LRP11: variants seen among roughly 807,000 people sequenced by gnomAD.
LRP11 encodes low-density lipoprotein receptor-related protein 11.
A neutral mutation model predicts 43.1 loss-of-function variants in LRP11; 25 were observed. That is an observed-to-expected ratio of 0.58 (90% CI 0.42 to 0.81). LRP11 has a LOEUF of 0.81. Ranked by LOEUF, LRP11 falls within the 30% of genes least tolerant of loss-of-function variation. The probability of loss-of-function intolerance (pLI) is 0.00; values close to 1 mark genes in which losing one functional copy is unlikely to be tolerated. For synonymous variants in LRP11, 316 were observed against 299.4 expected (o/e 1.06, Z -0.57); for missense variants, 623 against 665.1 (o/e 0.94, Z 0.70).
At position 149,826,275 on chromosome 6, in the gene LRP11, G is replaced by A; in HGVS notation, c.1337C>T (p.Ala446Val). 1.2e-6 allele frequency: 2 copies of A among 1,612,694 alleles called. No individual in the cohort carries two copies. Among genetic ancestry groups the A allele is most frequent in the South Asian group, 2.2e-5 (2 of 91,040 alleles). The change falls in exon 6 of 7, where the codon GCC becomes GTC. Residue 446 changes from alanine (A) to valine (V), a missense_variant. Transcript: ENST00000239367. ...KGDGGGGEHP[A>V]PETGAVLPLA... ...AGGTGGACATTTACCTGTTTCTGGG[G>A]CTGGGTGTTCCCCTCCTCCTCCATC...
At chr6:149,858,616 G>A (rs538405826) in intron 1 of LRP11, among the ~76,000 whole-genome samples, 3 of 152,028 alleles carry the variant, frequency 2.0e-5, no homozygotes, top group Non-Finnish European at 4.4e-5. Context: ...ACTATACTTC[G>A]AGACAACCCT....
chr6:149,826,450 G>C, intron 5 of LRP11, 91 bp from the exon 6 acceptor site: 1 of 828,524 alleles, frequency 1.2e-6, no homozygotes, highest in Non-Finnish European at 2.0e-6. Context: ...TTTTTTTTAA[G>C]ATGGACTTAG....
intron 5 of LRP11, among the ~76,000 whole-genome samples, chr6:149,832,902 G>A (rs1320526944): frequency 2.6e-5 from 4 of 152,006 alleles, no homozygotes; most frequent in South Asian, 2.1e-4. Context: ...TCCACCTCCC[G>A]GGTTCACGCC....
intron 2 of LRP11, among the ~76,000 whole-genome samples, chr6:149,850,032 C>G (rs1189744839): frequency 6.6e-6 from 1 of 151,962 alleles, no homozygotes; most frequent in Admixed American, 6.6e-5. Flanking sequence ...TGGTGGAGAG[C>G]AGGGGAGATG....
intron 5 of LRP11, among the ~76,000 whole-genome samples, chr6:149,835,168 A>G (rs1468958084): frequency 6.6e-6 from 1 of 152,214 alleles, no homozygotes. Context: ...TGATTGAGAC[A>G]AGGTCTCACT....
intron 1 of LRP11, among the ~76,000 whole-genome samples, chr6:149,861,003 T>A (rs534863503): frequency 6.6e-6 from 1 of 152,264 alleles, no homozygotes; most frequent in South Asian, 2.1e-4. Flanking sequence ...AGTCAACAAA[T>A]GTGGGCATGA....
At chr6:149,844,645 T>C (rs1410248314) in intron 2 of LRP11, among the ~76,000 whole-genome samples, 1 of 152,236 alleles carries the variant, frequency 6.6e-6, no homozygotes, top group Non-Finnish European at 1.5e-5. Flanking sequence ...AGTCTGGATA[T>C]TGTCCTCTGC....
At chr6:149,838,946 A>G (rs1000251269) in intron 3 of LRP11, among the ~76,000 whole-genome samples, 3 of 152,134 alleles carry the variant, frequency 2.0e-5, no homozygotes, top group Non-Finnish European at 4.4e-5. Context: ...GGACTAGACA[A>G]TTCTCTCAGG....
At chr6:149,834,505 T>C (rs543028041) in intron 5 of LRP11, among the ~76,000 whole-genome samples, 1 of 152,336 alleles carries the variant, frequency 6.6e-6, no homozygotes, top group South Asian at 2.1e-4. Flanking sequence ...AGTAATGTGG[T>C]AGGAATTCAT....
chr6:149,843,077 G>A lies in LRP11; in HGVS notation c.819C>T (p.Thr273=), dbSNP rs762544860. 1 of 1,614,172 alleles carries A rather than the reference G, an allele frequency of 6.2e-7. No homozygotes were observed. Among genetic ancestry groups the A allele is most frequent in the Non-Finnish European group, 8.5e-7 (1 of 1,180,026 alleles). Reference sequence around the variant, plus strand: ...CCGTCACGGTCAGCTGGAAGGTGTAGGTTCCCTCCTGTAGGTGGGACAGCT... The same window carrying A: ...CCGTCACGGTCAGCTGGAAGGTGTAAGTTCCCTCCTGTAGGTGGGACAGCT... The part of the protein sequence containing the change: ...TLKLSHLQEG[T]YTFQLTVTDT... The change falls in exon 3 of 7, where the codon ACC becomes ACT. Residue 273 remains threonine (T), a synonymous_variant. Transcript: ENST00000239367.
rs1373306086 is a variant in LRP11, at chr6:149,820,691, G to C, written c.1361C>G (p.Pro454Arg). The C allele has an allele frequency of 1.3e-6, 1 of 780,914 alleles. No individual in the cohort carries two copies. The highest frequency in any genetic ancestry group is 1.7e-5 in the African/African-American group (1 of 59,208). The allele number at this position is 780,914 out of a possible 1,614,324, so 48.4% of individuals were successfully genotyped here. ...HPAPETGAVL[P>R]LALGLAITAL... ...AGTGATAGCCAAACCCAGCGCCAGG[G>C]GTAGCACTGCACCTTTGAGAAGGTT... is the stretch of plus-strand genomic sequence containing the variant. Residue 454 changes from proline (P) to arginine (R), a missense_variant, in exon 7 of 7, where the codon CCC (proline) becomes CGC (arginine). Physicochemically the swap from Pro to Arg is moderately radical, Grantham distance 103. Coordinates refer to ENST00000239367, the MANE Select transcript of LRP11 (RefSeq NM_032832.6).
intron 2 of LRP11, 26 bp from the exon 3 acceptor site, chr6:149,843,150 G>C: frequency 6.2e-7 from 1 of 1,613,696 alleles, no homozygotes; most frequent in East Asian, 2.2e-5. Context: ...GACACATCAC[G>C]TCGAGCAGCA....
At chr6:149,835,466 GGTCCCAGCTACTACGCCTATA>G (rs139464509) in intron 5 of LRP11, among the ~76,000 whole-genome samples, 20,930 of 152,100 alleles carry the variant, frequency 0.14, 1,883 homozygotes, top group Non-Finnish European at 0.19. Context: ...CAGGCATGGT[GGTCCCAGCTACTACGCCTATA>G]GTCCCAGCTA....
chr6:149,864,202 C>T lies in LRP11; in HGVS notation c.-182G>A. The T allele has an allele frequency of 8.9e-7, 1 of 1,118,980 alleles. No individual in the cohort carries two copies. The highest frequency in any genetic ancestry group is 1.1e-6 in the Non-Finnish European group (1 of 917,156). 69.3% of individuals were successfully genotyped at this position (1,118,980 alleles called of 1,614,324 possible). On this transcript the variant is annotated 5_prime_UTR_variant, in exon 1 of 7. Transcript: ENST00000239367. ...CCGAGGTCGCGGGCGCCGGCGGGAA[C>T]CGCAGTAGCGGGAGACATAGCCGGC...
intron 5 of LRP11, among the ~76,000 whole-genome samples, chr6:149,830,301 G>A (rs1001684697): frequency 1.3e-5 from 2 of 152,050 alleles, no homozygotes; most frequent in East Asian, 1.9e-4. Context: ...ATGAGCCACC[G>A]TGCCCAGCTG....
At chr6:149,821,334 T>C (rs954964300) in intron 6 of LRP11, among the ~76,000 whole-genome samples, 1 of 152,218 alleles carries the variant, frequency 6.6e-6, no homozygotes, top group Non-Finnish European at 1.5e-5. Context: ...CCAACTGAAA[T>C]AGGCATTCTG....
chr6:149,859,397 T>TATATATATATATATCTATATATATATA (rs1491456220), intron 1 of LRP11, among the ~76,000 whole-genome samples: 1 of 73,022 alleles, frequency 1.4e-5, no homozygotes, highest in Non-Finnish European at 2.2e-5. Flanking sequence ...TATATATATA[T>TATATATATATATATCTATATATATATA]TTTTTTTTTT....
intron 1 of LRP11, among the ~76,000 whole-genome samples, chr6:149,858,515 T>C (rs1351423106): frequency 6.6e-6 from 1 of 152,224 alleles, no homozygotes; most frequent in Non-Finnish European, 1.5e-5. Flanking sequence ...TACATGTGCA[T>C]GTGTCTTTAT....
At chr6:149,847,826 CACACACACACACA>C (rs1776660869) in intron 2 of LRP11, among the ~76,000 whole-genome samples, 1 of 5,112 alleles carries the variant, frequency 2.0e-4, no homozygotes, top group African/African-American at 1.1e-3. Context: ...AACTAAATTA[CACACACACACACA>C]CACACACACA....
Sources: gnomAD v4.1 joint callset for allele counts (sites outside exome capture counted in the v4.1 genomes callset) on GRCh38, gnomAD v4.1.1 for gene constraint, MANE v1.5 for transcripts, NCBI Gene and HGNC (gene_info 2026-07-23, HGNC 2026-07-21) for gene names.